RELN: variants seen among roughly 807,000 people sequenced by gnomAD.
RELN encodes the protein reelin.
Under a neutral mutation model 427.6 loss-of-function variants are expected in RELN, and 108 were observed. The observed-to-expected ratio is 0.25, with a 90% CI of 0.22 to 0.30. The LOEUF (loss-of-function observed/expected upper bound fraction) is 0.30. Ranked by LOEUF, RELN falls within the 10% of genes least tolerant of loss-of-function variation. RELN has a pLI of 1.00. For missense variants in RELN, 3,715 were observed against 4,302.8 expected (o/e 0.86, Z 3.82); for synonymous variants, 1,524 against 1,513.4 (o/e 1.01, Z -0.16).
At chr7:103,859,108 G>A (rs1335736139) in intron 2 of RELN, among the ~76,000 whole-genome samples, 3 of 152,142 alleles carry the variant, frequency 2.0e-5, no homozygotes, top group African/African-American at 7.2e-5. Flanking sequence ...GGTGACTGGG[G>A]AGAAAGAAGT....
rs541508814 is a variant in RELN at position 103,776,483 on chromosome 7, A to G, written c.544+74T>C. ...ATTAAGTAATCATAATGAAATGCTT[A>G]CTTGGTACATAGAACACAGGACCTA... is the stretch of plus-strand genomic sequence containing the variant. On this transcript the variant is annotated intron_variant, in intron 4 of 64. Transcript: ENST00000428762. The G allele has an allele frequency of 5.3e-4, 758 of 1,438,050 alleles. 13 individuals are homozygous for G. The South Asian group carries it at 8.1e-3, about 15-fold the overall frequency. The allele number at this position is 1,438,050 out of a possible 1,614,324, so 89.1% of individuals were successfully genotyped here.
chr7:103,490,776 C>T lies in RELN; in HGVS notation c.9497G>A (p.Ser3166Asn), dbSNP rs1828622359. ...GAACTGGAAAGGGGAGCAGCCAATG[C>T]TGTTAGAAGAGGAAGGAAGGCACTG... The part of the protein sequence containing the change: ...QTQCLPSSSN[S>N]IGCSPFQFHE... Residue 3166 changes from serine to asparagine, a missense_variant, in exon 59 of 65, where the codon AGC (serine) becomes AAC (asparagine). Coordinates refer to ENST00000428762, the MANE Select transcript of RELN (RefSeq NM_005045.4). 1 of 1,614,164 alleles carries T rather than the reference C, an allele frequency of 6.2e-7. No homozygotes were observed.
At chr7:103,745,519 A>G (rs1403274623) in intron 6 of RELN, among the ~76,000 whole-genome samples, 2 of 148,774 alleles carry the variant, frequency 1.3e-5, no homozygotes, top group Non-Finnish European at 3.0e-5. Flanking sequence ...ATAAAACCCC[A>G]TCGTCTCAGC....
In RELN at chr7:103,801,085, A is replaced by C. The variant is rs563791455; in HGVS notation, c.474-24458T>G. Reference sequence around the variant, plus strand: ...TCACTAAAAAGTCAGGAAACAAGAGATGCTGGAGAGGAGGTGGAGAAATAG... The same window carrying C: ...TCACTAAAAAGTCAGGAAACAAGAGCTGCTGGAGAGGAGGTGGAGAAATAG... On this transcript the variant is annotated intron_variant, in intron 3 of 64. Coordinates refer to ENST00000428762, the MANE Select transcript of RELN (RefSeq NM_005045.4). Among the ~76,000 whole-genome samples, 53 of 152,264 alleles carry C rather than the reference A, an allele frequency of 3.5e-4. No homozygotes were observed. In the South Asian group the frequency reaches 9.1e-3, roughly 26 times the overall value.
intron 1 of RELN, among the ~76,000 whole-genome samples, chr7:103,960,530 C>T (rs369803141): frequency 6.6e-6 from 1 of 152,140 alleles, no homozygotes; most frequent in Non-Finnish European, 1.5e-5. Context: ...TGACTGCCCT[C>T]ATCTTGGTTA....
At chr7:103,622,893 C>T (rs1832251675) in intron 20 of RELN, among the ~76,000 whole-genome samples, 1 of 152,200 alleles carries the variant, frequency 6.6e-6, no homozygotes, top group African/African-American at 2.4e-5. Context: ...ATCTTCGTCT[C>T]CAACACTAAT....
At chr7:103,693,540 CAAAATAAAAAA>C (rs1833915530) in intron 10 of RELN, among the ~76,000 whole-genome samples, 1 of 120,524 alleles carries the variant, frequency 8.3e-6, no homozygotes, top group Non-Finnish European at 1.7e-5. Context: ...CAAAATCCAG[CAAAATAAAAAA>C]AAAATAAAAA....
chr7:103,968,096 C>G lies in RELN; in HGVS notation c.226+21035G>C, dbSNP rs1228339288. On this transcript the variant is annotated intron_variant, in intron 1 of 64. Transcript: ENST00000428762. The surrounding 1 kb of genome is among the most constrained non-coding windows in gnomAD (Gnocchi z 4.3). ...AGTATATATTTCTCAAACTTGATGG[C>G]AGGAAAAACTCAACTTGTATTTCAT... Among the ~76,000 whole-genome samples, 1 of 150,770 alleles carries G rather than the reference C, an allele frequency of 6.6e-6. No homozygotes were observed. Among genetic ancestry groups the G allele is most frequent in the Admixed American group, 6.6e-5 (1 of 15,082 alleles).
At chr7:103,711,332 G>C (rs1039058658) in intron 8 of RELN, among the ~76,000 whole-genome samples, 1 of 152,092 alleles carries the variant, frequency 6.6e-6, no homozygotes, top group African/African-American at 2.4e-5. Context: ...AGCTTCAAAG[G>C]TGGACCCACA....
At position 103,958,778 on chromosome 7, in the gene RELN, GA is replaced by G. The variant is rs148554894; in HGVS notation, c.226+30352del. ...TTCATTGCAAAACTAAAATCTGCAAGAAAAAAAAAATCAGAAACATTAGACT... is the reference window on the plus strand; with the variant it reads ...TTCATTGCAAAACTAAAATCTGCAAGAAAAAAAAATCAGAAACATTAGACT... On this transcript the variant is annotated intron_variant, in intron 1 of 64. Coordinates refer to ENST00000428762, the MANE Select transcript of RELN (RefSeq NM_005045.4). Among the ~76,000 whole-genome samples the G allele has an allele frequency of 5.5e-4, 83 of 149,668 alleles. 1 individual carries two copies. Among genetic ancestry groups the G allele is most frequent in the African/African-American group, 1.2e-3 (48 of 40,896 alleles).
At chr7:103,696,883 A>G (rs1562960952) in intron 10 of RELN, among the ~76,000 whole-genome samples, 2 of 152,126 alleles carry the variant, frequency 1.3e-5, no homozygotes, top group East Asian at 3.9e-4. Flanking sequence ...TAAAAATTCA[A>G]ACTCTACAGA....
chr7:103,558,133 T>C, intron 36 of RELN, 84 bp from the exon 37 acceptor site: 2 of 723,622 alleles, frequency 2.8e-6, no homozygotes, highest in Non-Finnish European at 5.1e-6. Context: ...TAACTTGCAT[T>C]AGCTAAGTAA....
intron 1 of RELN, among the ~76,000 whole-genome samples, chr7:103,967,534 C>T (rs1435347578): frequency 6.6e-6 from 1 of 152,142 alleles, no homozygotes; most frequent in African/African-American, 2.4e-5. Flanking sequence ...CTTGAAACTG[C>T]AAACAGGCTT....
At chr7:103,578,785 T>C (rs1482445663) in intron 28 of RELN, among the ~76,000 whole-genome samples, 1 of 152,256 alleles carries the variant, frequency 6.6e-6, no homozygotes, top group East Asian at 1.9e-4. Context: ...GTCTCAATTC[T>C]ATACTTTTAG....
At chr7:103,960,041 C>T (rs957963207) in intron 1 of RELN, among the ~76,000 whole-genome samples, 1 of 152,144 alleles carries the variant, frequency 6.6e-6, no homozygotes, top group Admixed American at 6.5e-5. Flanking sequence ...CCTCTGCCCC[C>T]ACTCCCCTCC....
At chr7:103,634,850 G>A (rs1287055002) in intron 19 of RELN, among the ~76,000 whole-genome samples, 1 of 151,820 alleles carries the variant, frequency 6.6e-6, no homozygotes, top group African/African-American at 2.4e-5. Context: ...AAGGAAAACA[G>A]TGTTAATTAC....
intron 4 of RELN, among the ~76,000 whole-genome samples, chr7:103,774,750 G>A (rs770128340): frequency 6.6e-6 from 1 of 152,072 alleles, no homozygotes; most frequent in Non-Finnish European, 1.5e-5. Context: ...ACAGTAGAAA[G>A]CCATCACTCT....
intron 16 of RELN, among the ~76,000 whole-genome samples, chr7:103,648,980 C>G (rs900786564): frequency 1.3e-5 from 2 of 151,904 alleles, no homozygotes; most frequent in Non-Finnish European, 2.9e-5. Flanking sequence ...CTCTTAGACA[C>G]TTTTGGTGGG....
Position 103,594,485 on chromosome 7 carries a change from A to G in RELN, c.3547T>C (p.Tyr1183His). 7 of 1,613,952 alleles carry G rather than the reference A, an allele frequency of 4.3e-6. No individual in the cohort carries two copies. In the South Asian group the frequency reaches 4.4e-5, roughly 10 times the overall value. The change falls in exon 26 of 65, where the codon TAT (tyrosine) becomes CAT (histidine). Residue 1183 changes from tyrosine (Y) to histidine (H), a missense_variant. By Grantham distance (83) the Tyr-to-His change is moderately conservative. Transcript: ENST00000428762. ...TTGGCAGCAGCTGGAAGCTCCAGAT[A>G]GACAAATCTGAATAAAAGTAAATCA... ...FSDFSKPRFVYLELPAAAKTP... is the reference protein window; with the variant it reads ...FSDFSKPRFVHLELPAAAKTP...
Sources: allele counts gnomAD v4.1 joint callset (sites outside exome capture counted in the v4.1 genomes callset), GRCh38; gene constraint gnomAD v4.1.1; non-coding constraint Gnocchi (gnomAD v3.1); transcripts MANE v1.5; gene names NCBI Gene and HGNC (gene_info 2026-07-23, HGNC 2026-07-21).